The following MOBP variants were observed in gnomAD, a reference collection of about 807,000 sequenced individuals.
MOBP encodes myelin associated oligodendrocyte basic protein.
MOBP carries 5 observed loss-of-function variants against 15.0 expected under a neutral mutation model. That is an observed-to-expected ratio of 0.33 (90% CI 0.17 to 0.70). The LOEUF is 0.70. Ranked by LOEUF, MOBP falls within the 30% of genes least tolerant of loss-of-function variation. The probability of loss-of-function intolerance (pLI) is 0.67; values close to 1 mark genes in which losing one functional copy is unlikely to be tolerated. For missense variants in MOBP, 188 were observed against 257.8 expected (o/e 0.73, Z 1.85); for synonymous variants, 88 against 99.0 (o/e 0.89, Z 0.66).
downstream of MOBP, among the ~76,000 whole-genome samples, chr3:39,506,038 C>G (rs1036767324): frequency 7.2e-5 from 11 of 152,116 alleles, no homozygotes; most frequent in African/African-American, 2.7e-4. Context: ...AGCATTCATT[C>G]GCTGATGAGG....
chr3:39,502,425 G>T lies in MOBP; in HGVS notation c.207-110G>T. ...GGAAGGCACTCCAGGGAGACTGGAA[G>T]GTGGGTGGGGGAGCAGGGCCTTCCT... On this transcript the variant is annotated intron_variant, in intron 3 of 3. Coordinates refer to ENST00000684792, the MANE Select transcript of MOBP (RefSeq NM_001393704.1). The surrounding 1 kb of genome is among the most constrained non-coding windows in gnomAD (Gnocchi z 6.3). The T allele has an allele frequency of 3.3e-6, 5 of 1,522,080 alleles. No individual in the cohort carries two copies. The highest frequency in any genetic ancestry group is 4.4e-6 in the Non-Finnish European group (5 of 1,139,478). The allele number at this position is 1,522,080 out of a possible 1,614,324, so 94.3% of individuals were successfully genotyped here.
intron 2 of MOBP, among the ~76,000 whole-genome samples, chr3:39,495,311 TGAATTGAA>T (rs769865372): frequency 1.3e-4 from 11 of 82,048 alleles, no homozygotes; most frequent in African/African-American, 2.5e-4. Flanking sequence ...TAATAACTGA[TGAATTGAA>T]GAAGAACTCA....
intron 1 of MOBP, among the ~76,000 whole-genome samples, chr3:39,468,638 TTC>T (rs996138713): frequency 1.3e-5 from 2 of 151,820 alleles, no homozygotes; most frequent in African/African-American, 4.8e-5. Flanking sequence ...ATCATTCTCT[TTC>T]TCTCTCTCTG....
intron 3 of MOBP, among the ~76,000 whole-genome samples, chr3:39,521,521 A>G (rs961991602): frequency 2.6e-5 from 4 of 152,128 alleles, no homozygotes; most frequent in African/African-American, 4.8e-5. Flanking sequence ...AGCCCCTTTC[A>G]TGGAACCCTG....
At chr3:39,492,240 G>A (rs2042807134) in intron 2 of MOBP, among the ~76,000 whole-genome samples, 1 of 152,180 alleles carries the variant, frequency 6.6e-6, no homozygotes, top group South Asian at 2.1e-4. Context: ...TGTCATTCAT[G>A]CTAAAAGGTG....
At chr3:39,484,349 T>G (rs1460356090) in intron 2 of MOBP, among the ~76,000 whole-genome samples, 1 of 152,132 alleles carries the variant, frequency 6.6e-6, no homozygotes, top group African/African-American at 2.4e-5. Flanking sequence ...TGTGCCGTAT[T>G]AATTGAGAAA....
chr3:39,522,405 C>G (rs990947456), intron 3 of MOBP, among the ~76,000 whole-genome samples: 2 of 152,216 alleles, frequency 1.3e-5, no homozygotes, highest in Non-Finnish European at 2.9e-5. Context: ...CTCATAAGAG[C>G]AAGAACCATG....
At chr3:39,521,833 C>G (rs1035900903) in intron 3 of MOBP, among the ~76,000 whole-genome samples, 4 of 152,186 alleles carry the variant, frequency 2.6e-5, no homozygotes, top group African/African-American at 9.7e-5. Flanking sequence ...GTGTATAATA[C>G]CGTCTTCTCC....
chr3:39,481,267 ATC>A (rs1208444300), intron 2 of MOBP, among the ~76,000 whole-genome samples: 1 of 152,170 alleles, frequency 6.6e-6, no homozygotes, highest in African/African-American at 2.4e-5. Context: ...TTTCTACAAA[ATC>A]TCTCTTAAAC....
chr3:39,528,220 G>T (rs2043353788), downstream of MOBP: 1 of 152,138 alleles, frequency 6.6e-6, no homozygotes, highest in Admixed American at 6.6e-5. Flanking sequence ...TATCTGTTCT[G>T]TCCCTACAGT....
rs1559412122 is a variant in MOBP, at chr3:39,469,125, CATAT to C, written c.-89+1386_-89+1389del. Among the ~76,000 whole-genome samples, 24 of 49,566 alleles carry C rather than the reference CATAT, an allele frequency of 4.8e-4. 3 individuals are homozygous for C. The highest frequency in any genetic ancestry group is 1.2e-3 in the South Asian group (2 of 1,680). The allele number at this position is 49,566 out of a possible 152,430, so 32.5% of individuals were successfully genotyped here. A position where few individuals can be genotyped will look rare whatever the true frequency, so the allele number is the denominator to read the frequency against. ...ATGTGTGTGTATATATACATATATA[CATAT>C]GTGTGTGTATATACATATATACATA... On this transcript the variant is annotated intron_variant, in intron 1 of 3. Transcript: ENST00000684792.
chr3:39,475,786 C>A (rs894026031), intron 1 of MOBP, among the ~76,000 whole-genome samples: 1 of 152,072 alleles, frequency 6.6e-6, no homozygotes, highest in Non-Finnish European at 1.5e-5. Flanking sequence ...CAATTTTTTC[C>A]AGGATAAACT....
At chr3:39,512,464 T>TAA (rs2043132296) in intron 4 of MOBP, among the ~76,000 whole-genome samples, 3 of 152,194 alleles carry the variant, frequency 2.0e-5, no homozygotes, top group African/African-American at 7.2e-5. Context: ...AGGCTACAAT[T>TAA]CACTCTACAA....
intron 1 of MOBP, among the ~76,000 whole-genome samples, chr3:39,473,675 T>A (rs530896538): frequency 1.3e-5 from 2 of 152,318 alleles, no homozygotes; most frequent in South Asian, 2.1e-4. Flanking sequence ...AATTGCTATC[T>A]CTAGGAATCA....
chr3:39,469,128 A>G lies in MOBP; in HGVS notation c.-89+1388A>G, dbSNP rs185359490. The stretch of plus-strand genomic sequence containing the variant: ...TGTGTGTATATATACATATATACAT[A>G]TGTGTGTGTATATACATATATACAT... On this transcript the variant is annotated intron_variant, in intron 1 of 3. Coordinates refer to ENST00000684792, the MANE Select transcript of MOBP (RefSeq NM_001393704.1). 3.6e-3 allele frequency among the ~76,000 whole-genome samples: 263 copies of G among 74,074 alleles called. 75 individuals carry two copies. Among genetic ancestry groups the G allele is most frequent in the African/African-American group, 0.021 (169 of 8,226 alleles). 48.6% of individuals were successfully genotyped at this position (74,074 alleles called of 152,430 possible).
At chr3:39,512,118 C>G (rs981179001) in intron 4 of MOBP, among the ~76,000 whole-genome samples, 3 of 152,138 alleles carry the variant, frequency 2.0e-5, no homozygotes, top group Admixed American at 2.0e-4. Flanking sequence ...AATTGCCTTC[C>G]CTGGTTGATT....
At position 39,502,347 on chromosome 3, in the gene MOBP, C is replaced by T. The variant is rs75572494; in HGVS notation, c.206+72C>T. 3.3e-5 allele frequency: 52 copies of T among 1,596,160 alleles called. No individual in the cohort carries two copies. The African/African-American group carries it at 6.3e-4, about 19-fold the overall frequency. On this transcript the variant is annotated intron_variant, in intron 3 of 3. Coordinates refer to ENST00000684792, the MANE Select transcript of MOBP (RefSeq NM_001393704.1). The surrounding 1 kb of genome is among the most constrained non-coding windows in gnomAD (Gnocchi z 6.3). Reference sequence around the variant, plus strand: ...GTCTCGGCTCCCAGCACGCCCCTCCCGCTCCGCACCCCACTCTTCCCCCTA... The same window carrying T: ...GTCTCGGCTCCCAGCACGCCCCTCCTGCTCCGCACCCCACTCTTCCCCCTA...
chr3:39,474,208 A>G (rs528376399), intron 1 of MOBP, among the ~76,000 whole-genome samples: 1 of 152,366 alleles, frequency 6.6e-6, no homozygotes, highest in African/African-American at 2.4e-5. Flanking sequence ...ATAAAAACAT[A>G]TAAATGGCAT....
chr3:39,527,532 A>T (rs917150482), downstream of MOBP: 2 of 147,544 alleles, frequency 1.4e-5, no homozygotes, highest in Non-Finnish European at 3.0e-5. Flanking sequence ...ACCTCGGCTC[A>T]CTGTAACCTT....
Sources: gnomAD v4.1 joint callset for allele counts (sites outside exome capture counted in the v4.1 genomes callset) on GRCh38, gnomAD v4.1.1 for gene constraint, Gnocchi (gnomAD v3.1) non-coding constraint, MANE v1.5 for transcripts, NCBI Gene and HGNC (gene_info 2026-07-23, HGNC 2026-07-21) for gene names.